The following PTPRO variants were observed in gnomAD, a reference collection of about 807,000 sequenced individuals.
PTPRO encodes the protein receptor-type tyrosine-protein phosphatase O.
A neutral mutation model predicts 145.2 loss-of-function variants in PTPRO; 62 were observed. The ratio of observed to expected loss-of-function variants is 0.43; its 90% CI spans 0.35 to 0.53. The LOEUF (loss-of-function observed/expected upper bound fraction) is 0.53. PTPRO is among the 20% of genes least tolerant of loss of function. The probability of loss-of-function intolerance (pLI) is 0.01; values close to 1 mark genes in which losing one functional copy is unlikely to be tolerated. For synonymous variants in PTPRO, 565 were observed against 514.7 expected (o/e 1.10, Z -1.32); for missense variants, 1,345 against 1,482.7 (o/e 0.91, Z 1.53).
At chr12:15,561,993 G>A (rs942197903) in intron 17 of PTPRO, among the ~76,000 whole-genome samples, 6 of 152,028 alleles carry the variant, frequency 3.9e-5, no homozygotes, top group Non-Finnish European at 2.9e-5. Context: ...CAAATAGCAC[G>A]AGGCCCAACT....
intron 1 of PTPRO, among the ~76,000 whole-genome samples, chr12:15,334,072 C>T (rs1055312371): frequency 1.3e-5 from 2 of 152,120 alleles, no homozygotes; most frequent in Admixed American, 6.5e-5. Context: ...TCACCATGCA[C>T]GTCATATAAC....
chr12:15,385,432 A>C (rs957362464), intron 1 of PTPRO, among the ~76,000 whole-genome samples: 2 of 152,172 alleles, frequency 1.3e-5, no homozygotes, highest in African/African-American at 4.8e-5. Flanking sequence ...GCTGGGACCC[A>C]GAAAGGTATA....
At chr12:15,394,633 C>G (rs917509321) in intron 1 of PTPRO, among the ~76,000 whole-genome samples, 1 of 152,116 alleles carries the variant, frequency 6.6e-6, no homozygotes, top group Non-Finnish European at 1.5e-5. Context: ...TCTGAAATTC[C>G]TTTTGCCATG....
intron 1 of PTPRO, among the ~76,000 whole-genome samples, chr12:15,331,730 T>G (rs1447880639): frequency 6.6e-6 from 1 of 152,192 alleles, no homozygotes; most frequent in Non-Finnish European, 1.5e-5. Context: ...CTGGAGAGGC[T>G]GGCAATACTC....
intron 1 of PTPRO, among the ~76,000 whole-genome samples, chr12:15,333,160 T>C (rs888136985): frequency 6.6e-6 from 1 of 152,216 alleles, no homozygotes; most frequent in East Asian, 1.9e-4. Flanking sequence ...GCATGGCACA[T>C]AGTAAGCATT....
chr12:15,437,208 C>T (rs896781169), intron 1 of PTPRO, among the ~76,000 whole-genome samples: 6 of 151,218 alleles, frequency 4.0e-5, no homozygotes, highest in African/African-American at 1.5e-4. Flanking sequence ...ACCTACCCTC[C>T]TTGTGCAAAG....
At chr12:15,526,031 T>A in intron 11 of PTPRO, 111 bp from the exon 12 acceptor site, 3 of 1,335,404 alleles carry the variant, frequency 2.2e-6, no homozygotes, top group Non-Finnish European at 3.2e-6. Context: ...AATTGCAGAC[T>A]GCTGCATAGA....
intron 1 of PTPRO, among the ~76,000 whole-genome samples, chr12:15,389,467 A>C (rs2136284718): frequency 6.6e-6 from 1 of 152,254 alleles, no homozygotes; most frequent in African/African-American, 2.4e-5. Flanking sequence ...AGTACACTGA[A>C]TGTGAAAGTG....
At chr12:15,499,764 A>G (rs1332598083) in intron 4 of PTPRO, among the ~76,000 whole-genome samples, 170 bp downstream of exon 4, 4 of 152,234 alleles carry the variant, frequency 2.6e-5, no homozygotes, top group Admixed American at 2.0e-4. Flanking sequence ...TGGGCAAAAT[A>G]TTCAATAAGA....
rs919701677 is a variant in PTPRO, at chr12:15,382,078, A to T, written c.75+59277A>T. Among the ~76,000 whole-genome samples the T allele has an allele frequency of 2.6e-5, 4 of 151,354 alleles. No individual in the cohort carries two copies. The East Asian group carries it at 5.8e-4, about 22-fold the overall frequency. ...CAAACAGAGACCAAGATAAAAGCTT[A>T]TTGGCCATTATTTTATTCAAGAGTA... On this transcript the variant is annotated intron_variant, in intron 1 of 26. Transcript: ENST00000281171.
At chr12:15,515,280 G>A (rs1018138850) in intron 7 of PTPRO, among the ~76,000 whole-genome samples, 1 of 151,888 alleles carries the variant, frequency 6.6e-6, no homozygotes, top group African/African-American at 2.4e-5. Context: ...CAGTTCACAG[G>A]GCTTAGAACA....
rs540239126 is a variant in PTPRO at position 15,499,955 on chromosome 12, A to T, written c.661+361A>T. 4.6e-5 allele frequency among the ~76,000 whole-genome samples: 7 copies of T among 152,324 alleles called. No homozygotes were observed. In the South Asian group the frequency reaches 1.2e-3, roughly 27 times the overall value. ...ACATTCTAGTACAGATTATCAGATT[A>T]TTAAAGGAAAATATTGAAATTCAAA... On this transcript the variant is annotated intron_variant, in intron 4 of 26. Coordinates refer to ENST00000281171, the MANE Select transcript of PTPRO (RefSeq NM_030667.3).
At chr12:15,447,383 G>A (rs1317891612) in intron 1 of PTPRO, among the ~76,000 whole-genome samples, 1 of 152,056 alleles carries the variant, frequency 6.6e-6, no homozygotes, top group Non-Finnish European at 1.5e-5. Flanking sequence ...AAAAGGCAAA[G>A]CAATGTGGGT....
rs767577604 is a variant in PTPRO at position 15,546,595 on chromosome 12, G to A, written c.2191G>A (p.Ala731Thr). 7.4e-6 allele frequency: 12 copies of A among 1,611,228 alleles called. No individual in the cohort carries two copies. Among genetic ancestry groups the A allele is most frequent in the Middle Eastern group, 1.6e-4 (1 of 6,080 alleles). The change falls in exon 13 of 27, where the codon GCA becomes ACA. Residue 731 changes from alanine (A) to threonine (T), a missense_variant. Physicochemically the swap from Ala to Thr is moderately conservative, Grantham distance 58. Around this residue, in one of 3 missense-constraint regions of PTPRO, gnomAD observed 1,130 missense variants for 1,214.7 expected, o/e 0.93. Transcript: ENST00000281171. The part of the protein sequence containing the change: ...LEPAPPKSLF[A>T]VNKTQTSVTL... ...ACCAGCTCCACCCAAATCACTCTTC[G>A]CAGTGAACAAAACCCAGACTTCAGT... is the stretch of plus-strand genomic sequence containing the variant.
intron 1 of PTPRO, among the ~76,000 whole-genome samples, chr12:15,357,796 A>G (rs1367544485): frequency 3.3e-5 from 5 of 149,438 alleles, no homozygotes; most frequent in African/African-American, 1.2e-4. Context: ...TGGGACTGTA[A>G]ACTAGTTCAA....
chr12:15,512,724 C>T lies in PTPRO; in HGVS notation c.1465-2774C>T, dbSNP rs566987164. ...AAATTCTCTATCAGGCCAGGCACGG[C>T]GGTTCACGCCTGTAATCCTAGCACT... On this transcript the variant is annotated intron_variant, in intron 7 of 26. Transcript: ENST00000281171. 5.3e-5 allele frequency among the ~76,000 whole-genome samples: 8 copies of T among 152,236 alleles called. No individual in the cohort carries two copies. The East Asian group carries it at 9.7e-4, about 18-fold the overall frequency.
chr12:15,519,934 A>AT (rs765047808), intron 9 of PTPRO, among the ~76,000 whole-genome samples: 2 of 152,214 alleles, frequency 1.3e-5, no homozygotes, highest in South Asian at 4.1e-4. Context: ...CATGTGTAAT[A>AT]TTAGGAAATT....
At chr12:15,485,794 T>C (rs1167092831) in intron 2 of PTPRO, among the ~76,000 whole-genome samples, 2 of 152,194 alleles carry the variant, frequency 1.3e-5, no homozygotes, top group African/African-American at 4.8e-5. Context: ...CCATTCAAAA[T>C]ATATTCTATT....
intron 12 of PTPRO, among the ~76,000 whole-genome samples, chr12:15,536,380 C>A (rs773341352): frequency 6.6e-6 from 1 of 152,118 alleles, no homozygotes; most frequent in Non-Finnish European, 1.5e-5. Flanking sequence ...AAAGAGATCA[C>A]TGGGATGAGA....
Sources: allele counts gnomAD v4.1 joint callset (sites outside exome capture counted in the v4.1 genomes callset), GRCh38; gene constraint gnomAD v4.1.1; regional missense constraint gnomAD v4.1.1; transcripts MANE v1.5; gene names NCBI Gene and HGNC (gene_info 2026-07-23, HGNC 2026-07-21).